BAIAP2: variants seen among roughly 807,000 people sequenced by gnomAD.
BAIAP2 encodes the protein BAR/IMD domain-containing adapter protein 2.
A neutral mutation model predicts 63.0 loss-of-function variants in BAIAP2; 18 were observed. That is an observed-to-expected ratio of 0.29 (90% CI 0.20 to 0.42). The LOEUF is 0.42. BAIAP2 is among the 10% of genes least tolerant of loss of function. The pLI is 1.00. For synonymous variants in BAIAP2, 386 were observed against 307.6 expected, an observed-to-expected ratio of 1.25 and a Z score of -2.67; for missense variants, 610 against 734.3, an observed-to-expected ratio of 0.83 and a Z score of 1.96.
intron 3 of BAIAP2, among the ~76,000 whole-genome samples, chr17:81,069,947 TTTG>T (rs373352429): frequency 2.4e-3 from 359 of 152,148 alleles, no homozygotes; most frequent in African/African-American, 8.1e-3. Context: ...TTCTTGGTTT[TTTG>T]TTGTTGTTGT....
chr17:81,038,933 A>T (rs75702358), intron 1 of BAIAP2, among the ~76,000 whole-genome samples: 164 of 152,126 alleles, frequency 1.1e-3, no homozygotes, highest in African/African-American at 3.6e-3. Flanking sequence ...CCTGAGGAGG[A>T]GAGAAATCAC....
chr17:81,051,089 C>T (rs1350605940), intron 1 of BAIAP2, among the ~76,000 whole-genome samples: 4 of 151,812 alleles, frequency 2.6e-5, no homozygotes, highest in African/African-American at 9.7e-5. Context: ...CCTCCCTGCC[C>T]CGGCTCCCAG....
rs1464066034 is a variant in BAIAP2, at chr17:81,116,691, G to GAATT, written c.*853_*856dup. ...CTGCAGGCACTGGGGAGCTCTGCTG[G>GAATT]AATTGGGGGTTTTAAAACTTCATTA... is the stretch of plus-strand genomic sequence containing the variant. On this transcript the variant is annotated 3_prime_UTR_variant, in exon 14 of 14. Transcript: ENST00000428708. 4 of 278,008 alleles carry GAATT rather than the reference G, an allele frequency of 1.4e-5. No homozygotes were observed. Among genetic ancestry groups the GAATT allele is most frequent in the African/African-American group, 8.6e-5 (4 of 46,720 alleles). The allele number at this position is 278,008 out of a possible 1,614,324, so 17.2% of individuals were successfully genotyped here. A position where few individuals can be genotyped will look rare whatever the true frequency, so the allele number is the denominator to read the frequency against.
chr17:81,036,629 G>A (rs2046304576), intron 1 of BAIAP2, among the ~76,000 whole-genome samples: 2 of 152,218 alleles, frequency 1.3e-5, no homozygotes, highest in Admixed American at 6.5e-5. Context: ...GCGGGTGTGC[G>A]GTCGACTAGA....
intron 3 of BAIAP2, among the ~76,000 whole-genome samples, chr17:81,084,445 G>A (rs1354503936): frequency 1.3e-5 from 2 of 152,180 alleles, no homozygotes; most frequent in South Asian, 2.1e-4. Flanking sequence ...CTGGCCTGAG[G>A]TAGGAGGTTC....
At chr17:81,068,343 C>T (rs1250879133) in intron 3 of BAIAP2, among the ~76,000 whole-genome samples, 1 of 152,212 alleles carries the variant, frequency 6.6e-6, no homozygotes, top group East Asian at 1.9e-4. Context: ...GCAGGGGTCT[C>T]CCCCTCGGGC....
intron 3 of BAIAP2, among the ~76,000 whole-genome samples, chr17:81,077,130 C>T (rs2053789766): frequency 6.6e-6 from 1 of 152,146 alleles, no homozygotes; most frequent in Admixed American, 6.5e-5. Flanking sequence ...GAGACTGGTT[C>T]CCGGAGCTAG....
chr17:81,058,905 T>A (rs2050073736), intron 3 of BAIAP2, among the ~76,000 whole-genome samples: 1 of 151,966 alleles, frequency 6.6e-6, no homozygotes, highest in African/African-American at 2.4e-5. Flanking sequence ...CCTGGCTGAG[T>A]CGGCAGGCGG....
At chr17:81,055,905 T>C (rs1329696205) in intron 2 of BAIAP2, among the ~76,000 whole-genome samples, 2 of 152,078 alleles carry the variant, frequency 1.3e-5, no homozygotes. Flanking sequence ...GCTTGGGCTG[T>C]GGCAGTGACC....
At position 81,035,170 on chromosome 17, in the gene BAIAP2, G is replaced by A. The variant is rs1260899826; in HGVS notation, c.-85G>A. 26 of 1,184,202 alleles carry A rather than the reference G, an allele frequency of 2.2e-5. No individual in the cohort carries two copies. Among genetic ancestry groups the A allele is most frequent in the Non-Finnish European group, 2.8e-5 (25 of 878,264 alleles). The allele number at this position is 1,184,202 out of a possible 1,614,324, so 73.4% of individuals were successfully genotyped here. A position where few individuals can be genotyped will look rare whatever the true frequency, so the allele number is the denominator to read the frequency against. On this transcript the variant is annotated 5_prime_UTR_variant, in exon 1 of 14. Transcript: ENST00000428708. ...GGCTCTGTGGTTCGGGTCCGCTTTC[G>A]TCTCCGTCCTGCTGCCGTTACCGCC...
chr17:81,067,168 C>G (rs1047481107), intron 3 of BAIAP2, among the ~76,000 whole-genome samples: 42 of 152,344 alleles, frequency 2.8e-4, no homozygotes, highest in Admixed American at 3.9e-4. Context: ...CCTCCCTTCC[C>G]CCCCACACTA....
At chr17:81,105,858 C>T in intron 10 of BAIAP2, 2 of 499,392 alleles carry the variant, frequency 4.0e-6, no homozygotes, top group Non-Finnish European at 7.2e-6. Context: ...CGGCAGCTCC[C>T]ACCAGGTTGA....
chr17:81,084,512 GCTCACTGTCA>G (rs201653195), intron 3 of BAIAP2, among the ~76,000 whole-genome samples: 1,612 of 152,254 alleles, frequency 0.011, 32 homozygotes, highest in African/African-American at 0.036. Flanking sequence ...GCGTGTTTGC[GCTCACTGTCA>G]CTCACTGTCA....
At chr17:81,108,950 CTGT>C in intron 13 of BAIAP2, 1 of 1,547,132 alleles carries the variant, frequency 6.5e-7, no homozygotes, top group Non-Finnish European at 8.7e-7. Flanking sequence ...GGCAGCCGTC[CTGT>C]GCTTTGTTTC....
chr17:81,053,645 G>A, intron 1 of BAIAP2, 23 bp from the exon 2 acceptor site: 1 of 1,613,908 alleles, frequency 6.2e-7, no homozygotes, highest in South Asian at 1.1e-5. Flanking sequence ...CAGTAATGCT[G>A]TTTCTTCTCT....
chr17:81,054,350 C>T (rs1215972553), intron 2 of BAIAP2, among the ~76,000 whole-genome samples: 1 of 152,154 alleles, frequency 6.6e-6, no homozygotes, highest in Non-Finnish European at 1.5e-5. Context: ...GGGGTGGGAG[C>T]TGCCTCCTGA....
At chr17:81,060,908 AG>A (rs2050432348) in intron 3 of BAIAP2, among the ~76,000 whole-genome samples, 1 of 152,144 alleles carries the variant, frequency 6.6e-6, no homozygotes, top group Non-Finnish European at 1.5e-5. Flanking sequence ...GGATTGCCTG[AG>A]GTCAGGAGTT....
chr17:81,115,867 G>A lies in BAIAP2; in HGVS notation c.*28G>A, dbSNP rs771314143. The A allele has an allele frequency of 2.5e-6, 4 of 1,612,230 alleles. No individual in the cohort carries two copies. Among genetic ancestry groups the A allele is most frequent in the South Asian group, 1.1e-5 (1 of 91,066 alleles). The stretch of plus-strand genomic sequence containing the variant: ...GCCACATCTGCAGTGCTGCCCATCT[G>A]GTGGCTTCCCCCGCCCTTCCCATGT... On this transcript the variant is annotated 3_prime_UTR_variant, in exon 14 of 14. Coordinates refer to ENST00000428708, the MANE Select transcript of BAIAP2 (RefSeq NM_001144888.2).
At chr17:81,077,525 G>GC (rs1290996650) in intron 3 of BAIAP2, among the ~76,000 whole-genome samples, 2 of 151,584 alleles carry the variant, frequency 1.3e-5, no homozygotes, top group East Asian at 3.9e-4. Flanking sequence ...CCGAGATAGT[G>GC]CCACTGTACT....
Sources: allele counts gnomAD v4.1 joint callset (sites outside exome capture counted in the v4.1 genomes callset), GRCh38; gene constraint gnomAD v4.1.1; transcripts MANE v1.5; gene names NCBI Gene and HGNC (gene_info 2026-07-23, HGNC 2026-07-21).